ASAP1: variants seen among roughly 807,000 people sequenced by gnomAD.
The protein encoded by ASAP1 is ArfGAP with SH3 domain, ankyrin repeat and PH domain 1, also known as arf-GAP with SH3 domain, ANK repeat and PH domain-containing protein 1.
Under a neutral mutation model 145.2 loss-of-function variants are expected in ASAP1, and 43 were observed. That is an observed-to-expected ratio of 0.30 (90% CI 0.23 to 0.38). ASAP1 has a LOEUF of 0.38. Among genes scored for constraint, ASAP1 ranks in the 10% least tolerant of loss-of-function variants. ASAP1 has a pLI of 1.00. For synonymous variants in ASAP1, 546 were observed against 515.5 expected (o/e 1.06, Z -0.80); for missense variants, 1,018 against 1,355.3 (o/e 0.75, Z 3.91).
chr8:130,230,501 T>TG (rs1376670735), intron 4 of ASAP1, among the ~76,000 whole-genome samples: 2 of 152,182 alleles, frequency 1.3e-5, no homozygotes, highest in East Asian at 3.9e-4. Flanking sequence ...ATATTCCCTT[T>TG]GGGGGAAAAA....
intron 1 of ASAP1, among the ~76,000 whole-genome samples, chr8:130,409,540 C>G (rs915754076): frequency 6.6e-6 from 1 of 152,162 alleles, no homozygotes; most frequent in East Asian, 1.9e-4. Flanking sequence ...TCTGATAACT[C>G]TATCTTCCCA....
At chr8:130,424,854 A>G (rs1448081068) in intron 1 of ASAP1, among the ~76,000 whole-genome samples, 2 of 152,126 alleles carry the variant, frequency 1.3e-5, no homozygotes, top group Non-Finnish European at 2.9e-5. Context: ...TTAGCCGGGC[A>G]TGGTGGCAGG....
chr8:130,369,513 T>C (rs1223547427), intron 2 of ASAP1, among the ~76,000 whole-genome samples: 1 of 152,180 alleles, frequency 6.6e-6, no homozygotes, highest in Non-Finnish European at 1.5e-5. Context: ...ATATAAACTT[T>C]TGCAACCCAA....
chr8:130,288,106 A>T (rs76329708), intron 3 of ASAP1, among the ~76,000 whole-genome samples: 2,655 of 152,308 alleles, frequency 0.017, 39 homozygotes, highest in East Asian at 0.064. Flanking sequence ...CTCCAGCTAC[A>T]CGCATCAAGC....
chr8:130,259,858 A>G (rs1196768438), intron 3 of ASAP1, among the ~76,000 whole-genome samples: 1 of 152,204 alleles, frequency 6.6e-6, no homozygotes. Flanking sequence ...ACCTTTGTGG[A>G]TAATGCTCAT....
intron 3 of ASAP1, among the ~76,000 whole-genome samples, chr8:130,294,409 T>C (rs541737503): frequency 3.3e-5 from 5 of 152,302 alleles, no homozygotes; most frequent in Admixed American, 6.5e-5. Flanking sequence ...ATTCAACATA[T>C]ACAGGTGAGA....
intron 4 of ASAP1, among the ~76,000 whole-genome samples, chr8:130,233,767 G>A (rs1386031060): frequency 6.6e-6 from 1 of 152,094 alleles, no homozygotes; most frequent in Non-Finnish European, 1.5e-5. Context: ...ATTCATGAAG[G>A]CAGAGACTTT....
At chr8:130,311,894 C>CAA (rs61648269) in intron 3 of ASAP1, among the ~76,000 whole-genome samples, 1 of 149,222 alleles carries the variant, frequency 6.7e-6, no homozygotes, top group Admixed American at 6.7e-5. Flanking sequence ...AAAAACAACT[C>CAA]AAAAAAAAAT....
At chr8:130,431,600 C>T (rs1333346714) in intron 1 of ASAP1, among the ~76,000 whole-genome samples, 1 of 152,164 alleles carries the variant, frequency 6.6e-6, no homozygotes, top group Non-Finnish European at 1.5e-5. Flanking sequence ...TGTAACAAGT[C>T]TTCTCTGACC....
intron 24 of ASAP1, among the ~76,000 whole-genome samples, chr8:130,109,066 C>T (rs2135560821): frequency 6.6e-6 from 1 of 152,276 alleles, no homozygotes; most frequent in African/African-American, 2.4e-5. Context: ...TAAGCCACCG[C>T]ACCCGGTCCA....
chr8:130,301,051 T>A (rs1296743153), intron 3 of ASAP1, among the ~76,000 whole-genome samples: 3 of 152,132 alleles, frequency 2.0e-5, no homozygotes, highest in African/African-American at 7.2e-5. Flanking sequence ...TCATTCCCTA[T>A]GATGCATTTA....
In ASAP1 at chr8:130,060,674, T is replaced by C; in HGVS notation, c.3097A>G (p.Arg1033Gly). 1.2e-6 allele frequency: 2 copies of C among 1,614,194 alleles called. No homozygotes were observed. Among genetic ancestry groups the C allele is most frequent in the Middle Eastern group, 1.6e-4 (1 of 6,062 alleles). The change falls in exon 28 of 30, where the codon AGA becomes GGA. Residue 1033 changes from arginine (R) to glycine (G), a missense_variant. Physicochemically the swap from Arg to Gly is moderately radical, Grantham distance 125. Transcript: ENST00000518721. Reference sequence around the variant, plus strand: ...GATGCTTGCTTTTGGATGGCGTCTCTGGACTGCACATTTGGGGATAGATCC... The same window carrying C: ...GATGCTTGCTTTTGGATGGCGTCTCCGGACTGCACATTTGGGGATAGATCC... ...PLDLSPNVQS[R>G]DAIQKQASED...
chr8:130,304,635 T>C (rs1308852945), intron 3 of ASAP1, among the ~76,000 whole-genome samples: 2 of 152,206 alleles, frequency 1.3e-5, no homozygotes, highest in East Asian at 3.8e-4. Context: ...AATTTCAACC[T>C]TGTTCAAATG....
chr8:130,083,784 A>AC (rs2097486609), intron 25 of ASAP1: 1 of 152,074 alleles, frequency 6.6e-6, no homozygotes, highest in Non-Finnish European at 1.5e-5. Context: ...TCTTGGTAAC[A>AC]CCATTATTTT....
At chr8:130,289,373 G>A (rs924743325) in intron 3 of ASAP1, among the ~76,000 whole-genome samples, 16 of 152,082 alleles carry the variant, frequency 1.1e-4, no homozygotes, top group African/African-American at 3.6e-4. Context: ...TTCTTCCTAT[G>A]TTTTGTATTT....
intron 11 of ASAP1, chr8:130,160,204 C>G: frequency 2.0e-6 from 1 of 502,878 alleles, no homozygotes; most frequent in Non-Finnish European, 3.6e-6. Context: ...AGTTCAAAAC[C>G]CACCTCTACT....
intron 2 of ASAP1, among the ~76,000 whole-genome samples, chr8:130,362,427 T>C (rs117830957): frequency 0.014 from 2,168 of 152,384 alleles, 20 homozygotes; most frequent in Middle Eastern, 0.048. Flanking sequence ...CTCTACTTTC[T>C]TGTTTATTCA....
intron 9 of ASAP1, among the ~76,000 whole-genome samples, chr8:130,171,805 A>C (rs1444375821): frequency 6.6e-6 from 1 of 152,252 alleles, no homozygotes; most frequent in African/African-American, 2.4e-5. Flanking sequence ...AGAGCAGGCC[A>C]TCTATAAGTG....
At chr8:130,114,482 G>C (rs2097551584) in intron 23 of ASAP1, among the ~76,000 whole-genome samples, 1 of 152,184 alleles carries the variant, frequency 6.6e-6, no homozygotes, top group Admixed American at 6.5e-5. Context: ...AGCTGCTCTG[G>C]GTGTGAGTGA....
Sources: allele counts gnomAD v4.1 joint callset (sites outside exome capture counted in the v4.1 genomes callset), GRCh38; gene constraint gnomAD v4.1.1; transcripts MANE v1.5; gene names NCBI Gene and HGNC (gene_info 2026-07-23, HGNC 2026-07-21).